Variants in ANKS1B observed in about 807,000 individuals in gnomAD.
ANKS1B encodes ankyrin repeat and sterile alpha motif domain containing 1B.
In ANKS1B, 36 loss-of-function variants were observed where a neutral mutation model predicts 148.3. That is an observed-to-expected ratio of 0.24 (90% CI 0.19 to 0.32). The LOEUF is 0.32. Ranked by LOEUF, ANKS1B falls within the 10% of genes least tolerant of loss-of-function variation. The pLI is 1.00. For missense variants in ANKS1B, 1,157 were observed against 1,542.6 expected, an observed-to-expected ratio of 0.75 and a Z score of 4.19; for synonymous variants, 542 against 560.8, an observed-to-expected ratio of 0.97 and a Z score of 0.47.
intron 9 of ANKS1B, among the ~76,000 whole-genome samples, chr12:99,618,761 C>A (rs974856155): frequency 6.6e-6 from 1 of 151,882 alleles, no homozygotes; most frequent in Non-Finnish European, 1.5e-5. Flanking sequence ...TTTCCCAGAC[C>A]CAGGACTGAG....
intron 22 of ANKS1B, among the ~76,000 whole-genome samples, chr12:98,795,939 G>GT (rs2098944720): frequency 6.6e-6 from 1 of 152,194 alleles, no homozygotes; most frequent in African/African-American, 2.4e-5. Context: ...TAATTCAGTT[G>GT]TGCAGGGCAG....
chr12:98,760,489 T>C (rs1209008349), intron 25 of ANKS1B, among the ~76,000 whole-genome samples: 2 of 152,168 alleles, frequency 1.3e-5, no homozygotes, highest in Non-Finnish European at 2.9e-5. Flanking sequence ...TGGATCTTAT[T>C]CTTTCTGCAT....
intron 16 of ANKS1B, chr12:99,083,694 AC>A (rs1271650269): frequency 6.6e-5 from 10 of 152,312 alleles, no homozygotes; most frequent in Admixed American, 5.2e-4. Context: ...GGCATGAAGT[AC>A]ATTTGCATTG....
At chr12:98,747,609 T>C (rs191975407) in intron 26 of ANKS1B, among the ~76,000 whole-genome samples, 1 of 152,284 alleles carries the variant, frequency 6.6e-6, no homozygotes, top group Admixed American at 6.5e-5. Flanking sequence ...ACTGCGTATA[T>C]ATACAAAAGA....
chr12:99,735,166 T>G (rs2059501539), intron 8 of ANKS1B, among the ~76,000 whole-genome samples: 2 of 152,104 alleles, frequency 1.3e-5, no homozygotes. Context: ...TCAAGAAACG[T>G]AGAAAGATTT....
At chr12:99,271,170 A>G (rs1232812617) in intron 12 of ANKS1B, among the ~76,000 whole-genome samples, 1 of 152,090 alleles carries the variant, frequency 6.6e-6, no homozygotes, top group East Asian at 1.9e-4. Context: ...AATTCATCAC[A>G]TTCTTTATGG....
At chr12:99,574,746 C>G (rs1385529598) in intron 9 of ANKS1B, among the ~76,000 whole-genome samples, 1 of 151,910 alleles carries the variant, frequency 6.6e-6, no homozygotes, top group Non-Finnish European at 1.5e-5. Context: ...ATGAAAAACT[C>G]TCAGCATCTG....
chr12:99,519,228 T>C (rs1172551075), intron 9 of ANKS1B, among the ~76,000 whole-genome samples: 1 of 152,160 alleles, frequency 6.6e-6, no homozygotes, highest in Non-Finnish European at 1.5e-5. Context: ...TAAGTATCTA[T>C]TAAGTGAATT....
intron 9 of ANKS1B, among the ~76,000 whole-genome samples, chr12:99,640,730 C>T (rs1188620900): frequency 2.0e-5 from 3 of 152,022 alleles, no homozygotes; most frequent in South Asian, 2.1e-4. Context: ...GAAAAATGAA[C>T]GGATGAGTGG....
chr12:99,205,065 C>T (rs116940692), intron 14 of ANKS1B, among the ~76,000 whole-genome samples: 5 of 152,042 alleles, frequency 3.3e-5, no homozygotes, highest in Admixed American at 2.6e-4. Context: ...CAGGCCCCCC[C>T]CAAAAAGAAA....
intron 1 of ANKS1B, among the ~76,000 whole-genome samples, chr12:99,900,096 A>C (rs2093540448): frequency 6.6e-6 from 1 of 151,886 alleles, no homozygotes. Context: ...ATGGGGTTGC[A>C]CCATGTTGAC....
At position 99,065,647 on chromosome 12, in the gene ANKS1B, CCAT is replaced by C. The variant is rs1368018402; in HGVS notation, c.2626-12341_2626-12339del. 3.2e-4 allele frequency among the ~76,000 whole-genome samples: 42 copies of C among 132,534 alleles called. No individual in the cohort carries two copies. In the South Asian group the frequency reaches 0.01, roughly 33 times the overall value. 86.9% of individuals were successfully genotyped at this position (132,534 alleles called of 152,430 possible). ...CCATCCATCCATCCATCCCATCCATCCATCCATCCATCCATCCATCCATCCATC... is the reference window on the plus strand; with the variant it reads ...CCATCCATCCATCCATCCCATCCATCCCATCCATCCATCCATCCATCCATC... On this transcript the variant is annotated intron_variant, in intron 16 of 26. Transcript: ENST00000683438.
chr12:99,950,311 G>T (rs2095184622), intron 1 of ANKS1B, among the ~76,000 whole-genome samples: 1 of 151,512 alleles, frequency 6.6e-6, no homozygotes, highest in African/African-American at 2.4e-5. Flanking sequence ...AGCTTATTTG[G>T]ATATTTCCTG....
chr12:98,776,371 G>A, intron 24 of ANKS1B, among the ~76,000 whole-genome samples: 1 of 152,242 alleles, frequency 6.6e-6, no homozygotes, highest in South Asian at 2.1e-4. Context: ...ATGTTGATCA[G>A]TCTCCATTTC....
chr12:99,806,805 GATTTATCCATTTTAACAAGTA>G, intron 3 of ANKS1B, 105 bp from the exon 4 acceptor site: 1 of 1,095,172 alleles, frequency 9.1e-7, no homozygotes, highest in Non-Finnish European at 1.3e-6. Flanking sequence ...TGTAAGTTAA[GATTTATCCATTTTAACAAGTA>G]TGCCTAATGG....
At chr12:99,680,245 A>G (rs1016902419) in intron 8 of ANKS1B, among the ~76,000 whole-genome samples, 5 of 152,212 alleles carry the variant, frequency 3.3e-5, no homozygotes, top group Non-Finnish European at 5.9e-5. Flanking sequence ...GTTCAAGACC[A>G]GCCTGGCCAA....
intron 12 of ANKS1B, among the ~76,000 whole-genome samples, chr12:99,277,347 C>G (rs138955224): frequency 1.3e-5 from 2 of 152,332 alleles, no homozygotes; most frequent in African/African-American, 4.8e-5. Context: ...TCACTGGATT[C>G]CTCCACAGGC....
At position 99,275,499 on chromosome 12, in the gene ANKS1B, G is replaced by C. The variant is rs761885400; in HGVS notation, c.1757-28635C>G. 7.2e-5 allele frequency among the ~76,000 whole-genome samples: 11 copies of C among 152,300 alleles called. No homozygotes were observed. In the South Asian group the frequency reaches 8.3e-4, roughly 11 times the overall value. ...AACATAACATCCTCCAGTTCCATCT[G>C]TGTTGTTGCAAATGACAGGATCTCA... On this transcript the variant is annotated intron_variant, in intron 12 of 26. Transcript: ENST00000683438.
intron 1 of ANKS1B, among the ~76,000 whole-genome samples, chr12:99,936,295 T>C (rs1321974035): frequency 6.6e-6 from 1 of 152,130 alleles, no homozygotes; most frequent in Non-Finnish European, 1.5e-5. Context: ...AAGCCAAAAT[T>C]AAATAGTTTT....
Sources: gnomAD v4.1 joint callset for allele counts (sites outside exome capture counted in the v4.1 genomes callset) on GRCh38, gnomAD v4.1.1 for gene constraint, MANE v1.5 for transcripts, NCBI Gene and HGNC (gene_info 2026-07-23, HGNC 2026-07-21) for gene names.